KIAA0586: variants seen among roughly 807,000 people sequenced by gnomAD.
The protein encoded by KIAA0586 is protein TALPID3.
Under a neutral mutation model 169.8 loss-of-function variants are expected in KIAA0586, and 144 were observed. That is an observed-to-expected ratio of 0.85 (90% CI 0.74 to 0.97). The LOEUF (loss-of-function observed/expected upper bound fraction) is 0.97. KIAA0586 is among the 50% of genes least tolerant of loss of function. KIAA0586 has a pLI of 0.00. For synonymous variants in KIAA0586, 625 were observed against 612.4 expected, an observed-to-expected ratio of 1.02 and a Z score of -0.30; for missense variants, 1,854 against 1,823.0, an observed-to-expected ratio of 1.02 and a Z score of -0.31.
rs769054533 is a variant in KIAA0586, at chr14:58,470,713, C to T, written c.2543C>T (p.Thr848Ile). 1 of 1,553,428 alleles carries T rather than the reference C, an allele frequency of 6.4e-7. No individual in the cohort carries two copies. Among genetic ancestry groups the T allele is most frequent in the Non-Finnish European group, 8.9e-7 (1 of 1,125,486 alleles). Residue 848 changes from threonine to isoleucine, a missense_variant, in exon 17 of 31, where the codon ACT becomes ATT. Thr to Ile is a moderately conservative substitution (Grantham distance 89, BLOSUM62 -1). Transcript: ENST00000652326. ...PKEASLPPVQ[T>I]WIKTPEIMKV... ...GAAGCATCTCTTCCTCCTGTGCAAACTTGGATAAAGGTATATTTCAGAATT... is the reference window on the plus strand; with the variant it reads ...GAAGCATCTCTTCCTCCTGTGCAAATTTGGATAAAGGTATATTTCAGAATT...
At chr14:58,522,496 C>G (rs1395475286) in intron 29 of KIAA0586, among the ~76,000 whole-genome samples, 1 of 152,292 alleles carries the variant, frequency 6.6e-6, no homozygotes, top group African/African-American at 2.4e-5. Flanking sequence ...TGAATGAGAG[C>G]TGGCATGTCA....
chr14:58,535,098 T>G (rs1374599559), intron 29 of KIAA0586, among the ~76,000 whole-genome samples: 2 of 152,160 alleles, frequency 1.3e-5, no homozygotes, highest in African/African-American at 4.8e-5. Context: ...GCACTTCACA[T>G]AAATGAAATC....
At position 58,551,065 on chromosome 14, in the gene KIAA0586, T is replaced by A. The variant is rs1429453417; in HGVS notation, c.*3133T>A. On this transcript the variant is annotated 3_prime_UTR_variant, in exon 31 of 31. Coordinates refer to ENST00000652326, the MANE Select transcript of KIAA0586 (RefSeq NM_001329943.3). ...TTAGCCAGGCATGGTGGCGTGTGCC[T>A]GTAATCCCAGCTACTTGGGAGGCTG... 6.6e-6 allele frequency: 1 copy of A among 152,146 alleles called. No homozygotes were observed. Among genetic ancestry groups the A allele is most frequent in the Non-Finnish European group, 1.5e-5 (1 of 68,172 alleles). The allele number at this position is 152,146 out of a possible 1,614,324, so 9.4% of individuals were successfully genotyped here. A position where few individuals can be genotyped will look rare whatever the true frequency, so the allele number is the denominator to read the frequency against.
In KIAA0586 at chr14:58,487,959, C is replaced by G; in HGVS notation, c.3377C>G (p.Ala1126Gly). 2 of 1,613,674 alleles carry G rather than the reference C, an allele frequency of 1.2e-6. No individual in the cohort carries two copies. Among genetic ancestry groups the G allele is most frequent in the South Asian group, 2.2e-5 (2 of 91,036 alleles). The change falls in exon 23 of 31, where the codon GCG becomes GGG. Residue 1126 changes from alanine (A) to glycine (G), a missense_variant. Physicochemically the swap from Ala to Gly is moderately conservative, Grantham distance 60. Transcript: ENST00000652326. The stretch of plus-strand genomic sequence containing the variant: ...CCTACTACTACACCTCCTCCAGCGG[C>G]GGCAGTTTTTACCCCAACTTTGTCA... ...VTPTTTPPPAAAVFTPTLSDI... is the reference protein window; with the variant it reads ...VTPTTTPPPAGAVFTPTLSDI...
In KIAA0586 at chr14:58,540,076, C is replaced by A. The variant is rs779653057; in HGVS notation, c.4435C>A (p.Pro1479Thr). The part of the protein sequence containing the change: ...DIAPSQQQVS[P>T]GDMDRTQIEL... ...AAAAATAAATTTTTATGTAGTTTCA[C>A]CAGGTGATATGGATCGGACACAAAT... is the stretch of plus-strand genomic sequence containing the variant. Residue 1479 changes from proline (P) to threonine (T), a missense_variant, in exon 30 of 31, where the codon CCA becomes ACA. Coordinates refer to ENST00000652326, the MANE Select transcript of KIAA0586 (RefSeq NM_001329943.3). 1 of 1,543,518 alleles carries A rather than the reference C, an allele frequency of 6.5e-7. No homozygotes were observed. Among genetic ancestry groups the A allele is most frequent in the East Asian group, 2.4e-5 (1 of 42,480 alleles).
rs1389086114 is a variant in KIAA0586, at chr14:58,482,713, G to A, written c.3144+1G>A. Reference sequence around the variant, plus strand: ...TTCAACAAATGAAACATATTTGCCGGTATGGGGAATTTTTGAGACATTTAT... The same window carrying A: ...TTCAACAAATGAAACATATTTGCCGATATGGGGAATTTTTGAGACATTTAT... On this transcript the variant is annotated splice_donor_variant, in intron 21 of 30. Transcript: ENST00000652326. LOFTEE classifies it high-confidence loss of function. The A allele has an allele frequency of 4.5e-6, 7 of 1,543,406 alleles. No homozygotes were observed. The highest frequency in any genetic ancestry group is 6.1e-6 in the Non-Finnish European group (7 of 1,143,950).
At chr14:58,518,958 C>G (rs1160663135) in intron 29 of KIAA0586, among the ~76,000 whole-genome samples, 1 of 152,170 alleles carries the variant, frequency 6.6e-6, no homozygotes, top group East Asian at 1.9e-4. Flanking sequence ...ATGGCAAAAC[C>G]CCGTCTCTAC....
At position 58,474,589 on chromosome 14, in the gene KIAA0586, T is replaced by C. The variant is rs1431423192; in HGVS notation, c.2635-18T>C. Reference sequence around the variant, plus strand: ...AACAAATACATGAATATAATAGTTTTGTTTTTGTTACTACCAGGAAGAAGA... The same window carrying C: ...AACAAATACATGAATATAATAGTTTCGTTTTTGTTACTACCAGGAAGAAGA... On this transcript the variant is annotated intron_variant, in intron 18 of 30. Transcript: ENST00000652326. 6.5e-7 allele frequency: 1 copy of C among 1,531,092 alleles called. No homozygotes were observed. Among genetic ancestry groups the C allele is most frequent in the Non-Finnish European group, 8.8e-7 (1 of 1,138,818 alleles). The allele number at this position is 1,531,092 out of a possible 1,614,324, so 94.8% of individuals were successfully genotyped here.
chr14:58,470,788 TC>T, intron 17 of KIAA0586, 65 bp downstream of exon 17: 1 of 755,772 alleles, frequency 1.3e-6, no homozygotes. Flanking sequence ...AACTAATTAC[TC>T]CATTTAAAGC....
At chr14:58,450,116 T>A (rs370593007) in intron 7 of KIAA0586, among the ~76,000 whole-genome samples, 10 of 152,328 alleles carry the variant, frequency 6.6e-5, no homozygotes, top group East Asian at 5.8e-4. Flanking sequence ...CTGTTTCGGA[T>A]ACTCAGGCAG....
At chr14:58,436,324 T>A (rs1033495114) in intron 4 of KIAA0586, among the ~76,000 whole-genome samples, 3 of 151,298 alleles carry the variant, frequency 2.0e-5, no homozygotes, top group Admixed American at 2.0e-4. Flanking sequence ...TAAAATGAAA[T>A]AACAATTACC....
intron 6 of KIAA0586, among the ~76,000 whole-genome samples, chr14:58,447,939 A>C (rs1743727): frequency 6.6e-6 from 1 of 152,204 alleles, no homozygotes; most frequent in Non-Finnish European, 1.5e-5. Context: ...ACAAAATCCT[A>C]CCATTTAGGA....
At chr14:58,430,305 A>T (rs1008244182) in intron 2 of KIAA0586, among the ~76,000 whole-genome samples, 10 of 152,164 alleles carry the variant, frequency 6.6e-5, no homozygotes, top group Non-Finnish European at 1.2e-4. Context: ...CATTTGACTC[A>T]CAGTGAGTCA....
Position 58,451,897 on chromosome 14 carries a change from A to G in KIAA0586, c.1129+1151A>G, listed in dbSNP as rs544599811. 3.7e-4 allele frequency among the ~76,000 whole-genome samples: 57 copies of G among 152,164 alleles called. No individual in the cohort carries two copies. In the East Asian group the frequency reaches 0.01, roughly 28 times the overall value. ...ACGGGGTTTCACCATGTTAGCCAGG[A>G]TGGTCTCGATCTCCTGACCTCGTGA... On this transcript the variant is annotated intron_variant, in intron 8 of 30. Coordinates refer to ENST00000652326, the MANE Select transcript of KIAA0586 (RefSeq NM_001329943.3).
At chr14:58,472,762 A>G (rs539319876) in intron 18 of KIAA0586, among the ~76,000 whole-genome samples, 2 of 151,468 alleles carry the variant, frequency 1.3e-5, no homozygotes, top group Non-Finnish European at 2.9e-5. Context: ...ATTATAAAGG[A>G]TGGGACAAAA....
intron 27 of KIAA0586, among the ~76,000 whole-genome samples, chr14:58,504,361 T>C (rs1325080389): frequency 6.6e-6 from 1 of 152,116 alleles, no homozygotes; most frequent in Non-Finnish European, 1.5e-5. Flanking sequence ...CTGTCTAGAA[T>C]TATTGGATAG....
chr14:58,456,521 G>A (rs372716745), intron 9 of KIAA0586, among the ~76,000 whole-genome samples, 181 bp from the exon 10 acceptor site: 3 of 152,222 alleles, frequency 2.0e-5, no homozygotes, highest in Admixed American at 1.3e-4. Flanking sequence ...GATTTTCTGT[G>A]TTTCATTTGT....
At chr14:58,451,215 A>C (rs1410075322) in intron 8 of KIAA0586, among the ~76,000 whole-genome samples, 1 of 151,248 alleles carries the variant, frequency 6.6e-6, no homozygotes, top group East Asian at 1.9e-4. Flanking sequence ...GGTCTCGATA[A>C]GTTTTGTTAA....
Position 58,463,086 on chromosome 14 carries a change from A to G in KIAA0586, c.2059+1926A>G, listed in dbSNP as rs1336336473. On this transcript the variant is annotated intron_variant, in intron 14 of 30. Coordinates refer to ENST00000652326, the MANE Select transcript of KIAA0586 (RefSeq NM_001329943.3). The stretch of plus-strand genomic sequence containing the variant: ...TTATCCTAGGGCCTCAGTACCTGCC[A>G]CTTCCTCTGTCTGGAGAGCTCTTCG... Among the ~76,000 whole-genome samples, 3 of 151,462 alleles carry G rather than the reference A, an allele frequency of 2.0e-5. No individual in the cohort carries two copies. In the East Asian group the frequency reaches 5.9e-4, roughly 30 times the overall value.
Sources: gnomAD v4.1 joint callset for allele counts (sites outside exome capture counted in the v4.1 genomes callset) on GRCh38, gnomAD v4.1.1 for gene constraint, MANE v1.5 for transcripts, NCBI Gene and HGNC (gene_info 2026-07-23, HGNC 2026-07-21) for gene names.